Variants in PCDHAC2 observed in about 807,000 individuals in gnomAD.
PCDHAC2 encodes the protein protocadherin alpha-C2.
In PCDHAC2, 24 loss-of-function variants were observed where a neutral mutation model predicts 63.3. That is an observed-to-expected ratio of 0.38 (90% CI 0.27 to 0.53). PCDHAC2 has a LOEUF of 0.53. Ranked by LOEUF, PCDHAC2 falls within the 20% of genes least tolerant of loss-of-function variation. The pLI, the probability that PCDHAC2 is intolerant of heterozygous loss-of-function variation, is 0.81. For missense variants in PCDHAC2, 1,181 were observed against 1,275.2 expected (o/e 0.93, Z 1.12); for synonymous variants, 569 against 529.4 (o/e 1.07, Z -1.03).
intron 3 of PCDHAC2, among the ~76,000 whole-genome samples, chr5:141,002,751 C>T (rs1204940300): frequency 3.9e-5 from 6 of 152,152 alleles, no homozygotes; most frequent in African/African-American, 1.4e-4. Context: ...CATCGACAAC[C>T]CTGTGATGTA....
Position 140,966,677 on chromosome 5 carries a change from A to C in PCDHAC2, c.-90A>C. 1 of 1,313,088 alleles carries C rather than the reference A, an allele frequency of 7.6e-7. No homozygotes were observed. The highest frequency in any genetic ancestry group is 9.8e-7 in the Non-Finnish European group (1 of 1,017,794). The allele number at this position is 1,313,088 out of a possible 1,614,324, so 81.3% of individuals were successfully genotyped here. ...GGTGGGGGAGCAGGCGCAGGGTGGC[A>C]CGAGCGGAGGCGGGGCCCGGGCGTG... On this transcript the variant is annotated 5_prime_UTR_variant, in exon 1 of 4. Transcript: ENST00000289269.
intron 1 of PCDHAC2, among the ~76,000 whole-genome samples, chr5:140,977,165 T>C (rs921089293): frequency 1.3e-5 from 2 of 152,156 alleles, no homozygotes; most frequent in Non-Finnish European, 2.9e-5. Context: ...TTCAGCAAAA[T>C]GAGTTTGATG....
chr5:140,975,623 A>G (rs2096675265), intron 1 of PCDHAC2, among the ~76,000 whole-genome samples: 1 of 152,244 alleles, frequency 6.6e-6, no homozygotes, highest in Admixed American at 6.5e-5. Flanking sequence ...ATGGATTTCC[A>G]TGGTACGAAG....
chr5:140,974,419 C>T (rs998974699), intron 1 of PCDHAC2, among the ~76,000 whole-genome samples: 1 of 152,208 alleles, frequency 6.6e-6, no homozygotes, highest in African/African-American at 2.4e-5. Flanking sequence ...GTTTATTTTA[C>T]TTTCCTGGTT....
chr5:140,967,898 G>A lies in PCDHAC2; in HGVS notation c.1132G>A (p.Ala378Thr), dbSNP rs751530394. 5.6e-6 allele frequency: 9 copies of A among 1,614,046 alleles called. No homozygotes were observed. The highest frequency in any genetic ancestry group is 7.6e-6 in the Non-Finnish European group (9 of 1,180,042). Reference sequence around the variant, plus strand: ...CCTGTATAGCCCAGTGCCTGAGAATGCTACACCCAACACCATTGTGGCCGT... The same window carrying A: ...CCTGTATAGCCCAGTGCCTGAGAATACTACACCCAACACCATTGTGGCCGT... ...TDLYSPVPEN[A>T]TPNTIVAVLS... The change falls in exon 1 of 4, where the codon GCT becomes ACT. Residue 378 changes from alanine to threonine, a missense_variant. Ala to Thr is a moderately conservative substitution (Grantham distance 58, BLOSUM62 0). Transcript: ENST00000289269.
intron 1 of PCDHAC2, among the ~76,000 whole-genome samples, chr5:140,971,149 G>C (rs2096459410): frequency 1.3e-5 from 2 of 152,200 alleles, no homozygotes; most frequent in Admixed American, 1.3e-4. Context: ...GAACAAGTCA[G>C]GCCAGGCTCA....
At chr5:140,976,518 A>G (rs2096720750) in intron 1 of PCDHAC2, among the ~76,000 whole-genome samples, 1 of 152,070 alleles carries the variant, frequency 6.6e-6, no homozygotes, top group Admixed American at 6.6e-5. Flanking sequence ...GCCACTGCAC[A>G]CCAGCCTAAA....
intron 1 of PCDHAC2, among the ~76,000 whole-genome samples, chr5:140,976,851 T>C (rs1402328541): frequency 6.6e-6 from 1 of 152,206 alleles, no homozygotes; most frequent in African/African-American, 2.4e-5. Context: ...ATCCCTTTCA[T>C]AGAGTTTACT....
intron 3 of PCDHAC2, among the ~76,000 whole-genome samples, chr5:140,986,211 C>T (rs1257937611): frequency 1.3e-5 from 2 of 152,126 alleles, no homozygotes; most frequent in African/African-American, 2.4e-5. Flanking sequence ...GATTACTGGC[C>T]CCTTTCTCTA....
Position 141,010,819 on chromosome 5 carries a change from TG to T in PCDHAC2, c.*883del, listed in dbSNP as rs2098418471. ...AAAACCCCGACACCTCACCTTTCGCTGTTTGTTGTTTCATAGATTTATTTAA... is the reference window on the plus strand; with the variant it reads ...AAAACCCCGACACCTCACCTTTCGCTTTTGTTGTTTCATAGATTTATTTAA... On this transcript the variant is annotated 3_prime_UTR_variant, in exon 4 of 4. Coordinates refer to ENST00000289269, the MANE Select transcript of PCDHAC2 (RefSeq NM_018899.6). The T allele has an allele frequency of 6.5e-6, 1 of 153,784 alleles. No individual in the cohort carries two copies. The highest frequency in any genetic ancestry group is 2.1e-4 in the South Asian group (1 of 4,838). 9.5% of individuals were successfully genotyped at this position (153,784 alleles called of 1,614,324 possible).
Position 140,968,494 on chromosome 5 carries a change from C to T in PCDHAC2, c.1728C>T (p.Ala576=). Residue 576 remains alanine (A), a synonymous_variant, in exon 1 of 4, where the codon GCC becomes GCT. Coordinates refer to ENST00000289269, the MANE Select transcript of PCDHAC2 (RefSeq NM_018899.6). ...ATGTGGTGGACATGAATGACCATGCCCCTCACATTCTGTACCCTACCTCAA... is the reference window on the plus strand; with the variant it reads ...ATGTGGTGGACATGAATGACCATGCTCCTCACATTCTGTACCCTACCTCAA... The part of the protein sequence containing the change: ...NVYVVDMNDH[A]PHILYPTSTN... 6.2e-7 allele frequency: 1 copy of T among 1,614,096 alleles called. No homozygotes were observed. Among genetic ancestry groups the T allele is most frequent in the Non-Finnish European group, 8.5e-7 (1 of 1,180,030 alleles).
intron 3 of PCDHAC2, among the ~76,000 whole-genome samples, chr5:141,000,423 T>TC (rs2097932931): frequency 9.0e-5 from 6 of 66,856 alleles, no homozygotes; most frequent in African/African-American, 3.6e-4. Flanking sequence ...ATATATATAT[T>TC]TTTTTTTTTT....
At chr5:140,982,415 A>C (rs1291195577) in intron 2 of PCDHAC2, 60 bp from the exon 3 acceptor site, 1 of 1,610,020 alleles carries the variant, frequency 6.2e-7, no homozygotes, top group African/African-American at 1.3e-5. Flanking sequence ...CTGAGGGTGG[A>C]AGAAGAGATG....
intron 3 of PCDHAC2, among the ~76,000 whole-genome samples, chr5:141,008,201 A>T (rs2098364434): frequency 6.6e-6 from 1 of 152,212 alleles, no homozygotes; most frequent in Admixed American, 6.5e-5. Context: ...TAATATAATG[A>T]ACTTGACATG....
intron 1 of PCDHAC2, among the ~76,000 whole-genome samples, chr5:140,970,841 C>T (rs782138970): frequency 2.0e-5 from 3 of 150,352 alleles, no homozygotes; most frequent in African/African-American, 7.5e-5. Context: ...ATGTAATGCA[C>T]AGGCACAAAA....
intron 3 of PCDHAC2, among the ~76,000 whole-genome samples, chr5:141,007,801 G>A (rs559830556): frequency 2.6e-5 from 4 of 152,148 alleles, no homozygotes; most frequent in African/African-American, 7.2e-5. Flanking sequence ...GCCTTTATCT[G>A]CCATTCATTT....
chr5:140,999,678 G>A (rs1204037119), intron 3 of PCDHAC2, among the ~76,000 whole-genome samples: 2 of 152,112 alleles, frequency 1.3e-5, no homozygotes, highest in East Asian at 1.9e-4. Context: ...GGGGCTCACA[G>A]AAAGAAGAAA....
rs910624863 is a variant in PCDHAC2, at chr5:140,966,896, C to G, written c.130C>G (p.Leu44Val). 6.3e-6 allele frequency: 10 copies of G among 1,596,816 alleles called. No homozygotes were observed. The highest frequency in any genetic ancestry group is 8.5e-6 in the Non-Finnish European group (10 of 1,175,258). The change falls in exon 1 of 4, where the codon CTG (leucine) becomes GTG (valine). Residue 44 changes from leucine (L) to valine (V), a missense_variant. Physicochemically the swap from Leu to Val is conservative, Grantham distance 32. Coordinates refer to ENST00000289269, the MANE Select transcript of PCDHAC2 (RefSeq NM_018899.6). ...LLLPGPAASQLRYSVPEEQAP... is the reference protein window; with the variant it reads ...LLLPGPAASQVRYSVPEEQAP... Reference sequence around the variant, plus strand: ...GCTACCTGGCCCTGCGGCCTCCCAGCTGCGATACTCTGTGCCAGAGGAGCA... The same window carrying G: ...GCTACCTGGCCCTGCGGCCTCCCAGGTGCGATACTCTGTGCCAGAGGAGCA...
intron 1 of PCDHAC2, among the ~76,000 whole-genome samples, chr5:140,974,864 C>A (rs949061887): frequency 3.9e-5 from 6 of 152,124 alleles, no homozygotes; most frequent in Non-Finnish European, 8.8e-5. Flanking sequence ...TGCCTTAATG[C>A]GGAACAGTCT....
Sources: gnomAD v4.1 joint callset for allele counts (sites outside exome capture counted in the v4.1 genomes callset) on GRCh38, gnomAD v4.1.1 for gene constraint, MANE v1.5 for transcripts, NCBI Gene and HGNC (gene_info 2026-07-23, HGNC 2026-07-21) for gene names.